The following DNAH11 variants were observed in gnomAD, a reference collection of about 807,000 sequenced individuals.
DNAH11 encodes axonemal beta dynein heavy chain 11.
Under a neutral mutation model 526.0 loss-of-function variants are expected in DNAH11, and 442 were observed. That is an observed-to-expected ratio of 0.84 (90% CI 0.78 to 0.91). DNAH11 has a LOEUF of 0.91. DNAH11 is among the 40% of genes least tolerant of loss of function. The pLI, the probability that DNAH11 is intolerant of heterozygous loss-of-function variation, is 0.00. For synonymous variants in DNAH11, 2,461 were observed against 1,935.9 expected (o/e 1.27, Z -7.12); for missense variants, 6,989 against 5,448.7 (o/e 1.28, Z -8.90).
At chr7:21,797,928 C>T (rs779444846) in intron 61 of DNAH11, among the ~76,000 whole-genome samples, 3 of 152,174 alleles carry the variant, frequency 2.0e-5, no homozygotes, top group Non-Finnish European at 4.4e-5. Context: ...ATGTGCTGTG[C>T]CATATTTTAC....
intron 28 of DNAH11, among the ~76,000 whole-genome samples, chr7:21,650,328 G>A (rs1269953437): frequency 1.3e-5 from 2 of 152,086 alleles, no homozygotes; most frequent in East Asian, 1.9e-4. Flanking sequence ...ATTATTGAAC[G>A]TTTGACAAAT....
At chr7:21,900,164 G>C in intron 81 of DNAH11, 44 bp downstream of exon 81, 1 of 1,570,334 alleles carries the variant, frequency 6.4e-7, no homozygotes, top group Non-Finnish European at 8.6e-7. Flanking sequence ...TTCTTACTCA[G>C]GTTCAGATCA....
At chr7:21,874,803 A>G (rs560140391) in intron 74 of DNAH11, among the ~76,000 whole-genome samples, 14 of 152,022 alleles carry the variant, frequency 9.2e-5, no homozygotes, top group Non-Finnish European at 1.5e-4. Flanking sequence ...CTTTCTTGCT[A>G]TTGCTCTGAG....
At chr7:21,583,822 A>C (rs1006957113) in intron 9 of DNAH11, among the ~76,000 whole-genome samples, 1 of 152,214 alleles carries the variant, frequency 6.6e-6, no homozygotes, top group Non-Finnish European at 1.5e-5. Flanking sequence ...AAGAAACATG[A>C]AAAAAAGCTC....
rs747501304 is a variant in DNAH11 at position 21,867,907 on chromosome 7, A to G, written c.11739A>G (p.Arg3913=). Residue 3913 remains arginine, a synonymous_variant, in exon 72 of 82, where the codon AGA becomes AGG. Coordinates refer to ENST00000409508, the MANE Select transcript of DNAH11 (RefSeq NM_001277115.2). ...KLGAKYVERT[R]LDLVKAFEES... ...GTGCGAAGTATGTGGAGAGGACCAG[A>G]TTGGACTTAGTTAAAGCATTCGAAG... The G allele has an allele frequency of 1.6e-5, 25 of 1,581,944 alleles. 1 individual carries two copies. In the East Asian group the frequency reaches 5.7e-4, roughly 36 times the overall value.
intron 66 of DNAH11, among the ~76,000 whole-genome samples, chr7:21,846,882 T>C (rs955073463): frequency 5.9e-5 from 9 of 152,186 alleles, no homozygotes; most frequent in African/African-American, 1.9e-4. Flanking sequence ...ATTTATTTAA[T>C]GCATATAGGC....
chr7:21,757,471 A>G (rs947484426), intron 54 of DNAH11, among the ~76,000 whole-genome samples: 1 of 151,780 alleles, frequency 6.6e-6, no homozygotes, highest in Non-Finnish European at 1.5e-5. Context: ...ATGGATTTCT[A>G]TTATTTTCTT....
chr7:21,887,530 G>A (rs376905134), intron 76 of DNAH11, among the ~76,000 whole-genome samples: 34 of 152,222 alleles, frequency 2.2e-4, no homozygotes, highest in African/African-American at 7.7e-4. Flanking sequence ...TGTATTTGCC[G>A]TATGATGTAA....
At chr7:21,852,435 C>G in intron 66 of DNAH11, 32 bp from the exon 67 acceptor site, 6 of 1,579,578 alleles carry the variant, frequency 3.8e-6, no homozygotes, top group Non-Finnish European at 5.1e-6. Flanking sequence ...TACTTAACCA[C>G]CATTTCCCAC....
chr7:21,619,436 T>C (rs1204724423), intron 24 of DNAH11, among the ~76,000 whole-genome samples: 1 of 152,132 alleles, frequency 6.6e-6, no homozygotes, highest in Non-Finnish European at 1.5e-5. Context: ...TGATGATGAT[T>C]ATAGCAGAAA....
chr7:21,583,129 T>A (rs914308656), intron 9 of DNAH11, among the ~76,000 whole-genome samples: 17 of 152,072 alleles, frequency 1.1e-4, no homozygotes, highest in Non-Finnish European at 2.5e-4. Context: ...GTATAGCCAA[T>A]ATAATCCTAA....
At chr7:21,677,482 A>G (rs1164158168) in intron 30 of DNAH11, among the ~76,000 whole-genome samples, 1 of 152,140 alleles carries the variant, frequency 6.6e-6, no homozygotes, top group African/African-American at 2.4e-5. Flanking sequence ...CTCAGAGTCA[A>G]GCGATTCTCC....
Position 21,899,957 on chromosome 7 carries a change from CAATTTTTGTTAT to C in DNAH11, c.13163-21_13163-10del, listed in dbSNP as rs779015328. On this transcript the variant is annotated splice_polypyrimidine_tract_variant and intron_variant, in intron 80 of 81. Coordinates refer to ENST00000409508, the MANE Select transcript of DNAH11 (RefSeq NM_001277115.2). ...TTACATGCAACACTTTTATCCTATT[CAATTTTTGTTAT>C]ATTTCCAAAGCAATCATGCAGACGA... The C allele has an allele frequency of 1.1e-5, 18 of 1,612,344 alleles. No individual in the cohort carries two copies. Among genetic ancestry groups the C allele is most frequent in the Non-Finnish European group, 1.4e-5 (17 of 1,179,232 alleles).
intron 45 of DNAH11, 120 bp downstream of exon 45, chr7:21,726,104 C>G: frequency 1.9e-6 from 2 of 1,042,338 alleles, no homozygotes; most frequent in Non-Finnish European, 2.6e-6. Flanking sequence ...CACAGGCTGC[C>G]CAGGAAGCAT....
At chr7:21,684,559 T>C (rs964278788) in intron 32 of DNAH11, among the ~76,000 whole-genome samples, 6 of 152,176 alleles carry the variant, frequency 3.9e-5, no homozygotes, top group Non-Finnish European at 7.3e-5. Flanking sequence ...CCTACTATTG[T>C]GGAGAGCTTG....
intron 2 of DNAH11, among the ~76,000 whole-genome samples, chr7:21,550,945 C>G (rs1374115721): frequency 6.6e-6 from 1 of 152,132 alleles, no homozygotes; most frequent in Non-Finnish European, 1.5e-5. Context: ...CTCCCATGGC[C>G]TGTTTTATAA....
intron 25 of DNAH11, among the ~76,000 whole-genome samples, chr7:21,620,524 G>C (rs1033169898): frequency 6.6e-6 from 1 of 151,332 alleles, no homozygotes; most frequent in Non-Finnish European, 1.5e-5. Context: ...TGTCCTTTAG[G>C]GTCATCCATG....
chr7:21,884,552 G>A (rs1469837887), intron 76 of DNAH11, 142 bp downstream of exon 76: 25 of 916,258 alleles, frequency 2.7e-5, no homozygotes, highest in East Asian at 5.6e-5. Context: ...TTAGAAAAGC[G>A]GAATCTCGGG....
At chr7:21,826,328 G>C (rs1290602165) in intron 65 of DNAH11, among the ~76,000 whole-genome samples, 47 of 152,120 alleles carry the variant, frequency 3.1e-4, no homozygotes, top group African/African-American at 1.1e-3. Flanking sequence ...TCATACATAT[G>C]CAAAGTAGGA....
Sources: gnomAD v4.1 joint callset for allele counts (sites outside exome capture counted in the v4.1 genomes callset) on GRCh38, gnomAD v4.1.1 for gene constraint, MANE v1.5 for transcripts, NCBI Gene and HGNC (gene_info 2026-07-23, HGNC 2026-07-21) for gene names.